The following ENPP2 variants were observed in gnomAD, a reference collection of about 807,000 sequenced individuals.
ENPP2 encodes the protein ectonucleotide pyrophosphatase/phosphodiesterase 2.
In ENPP2, 51 loss-of-function variants were observed where a neutral mutation model predicts 120.2. The observed-to-expected ratio is 0.42, with a 90% CI of 0.34 to 0.54. ENPP2 has a LOEUF of 0.54. Among genes scored for constraint, ENPP2 ranks in the 20% least tolerant of loss-of-function variants. ENPP2 has a pLI of 0.04. For missense variants in ENPP2, 920 were observed against 1,066.5 expected (o/e 0.86, Z 1.91); for synonymous variants, 365 against 366.4 (o/e 1.00, Z 0.04).
At chr8:119,657,514 C>T (rs1005663257) in intron 1 of ENPP2, among the ~76,000 whole-genome samples, 1 of 152,214 alleles carries the variant, frequency 6.6e-6, no homozygotes, top group African/African-American at 2.4e-5. Context: ...TCTGCCAATT[C>T]TAATTTCCAG....
chr8:119,574,103 A>T (rs1210840379), intron 19 of ENPP2, among the ~76,000 whole-genome samples: 1 of 152,134 alleles, frequency 6.6e-6, no homozygotes, highest in Non-Finnish European at 1.5e-5. Context: ...AGAAACACAG[A>T]TTTTAAGGTC....
At chr8:119,630,251 G>T (rs1272616037) in intron 2 of ENPP2, among the ~76,000 whole-genome samples, 1 of 151,970 alleles carries the variant, frequency 6.6e-6, no homozygotes, top group African/African-American at 2.4e-5. Context: ...TGGGATTAGA[G>T]GCACCCACCA....
intron 1 of ENPP2, among the ~76,000 whole-genome samples, chr8:119,652,489 T>C (rs114920478): frequency 2.1e-4 from 32 of 152,274 alleles, no homozygotes; most frequent in African/African-American, 7.7e-4. Context: ...AGAAACAGTT[T>C]ATAGACTCTG....
At chr8:119,568,756 A>G (rs1438413079) in intron 21 of ENPP2, among the ~76,000 whole-genome samples, 1 of 152,132 alleles carries the variant, frequency 6.6e-6, no homozygotes, top group Non-Finnish European at 1.5e-5. Context: ...GTGTGCCACC[A>G]GCTCAGCTAA....
rs567315894 is a variant in ENPP2 at position 119,570,375 on chromosome 8, A to T, written c.1917+330T>A. 1.9e-3 allele frequency among the ~76,000 whole-genome samples: 288 copies of T among 152,256 alleles called. 3 individuals are homozygous for T. The South Asian group carries it at 0.025, about 13-fold the overall frequency. Reference sequence around the variant, plus strand: ...ACTTTACACTCAATCTTGCTGAGAAATAAAATGTGCTCTTAAAATATAAAG... The same window carrying T: ...ACTTTACACTCAATCTTGCTGAGAATTAAAATGTGCTCTTAAAATATAAAG... On this transcript the variant is annotated intron_variant, in intron 20 of 24. Coordinates refer to ENST00000075322, the MANE Select transcript of ENPP2 (RefSeq NM_001040092.3).
chr8:119,594,414 A>C (rs1267434362), intron 11 of ENPP2, among the ~76,000 whole-genome samples: 1 of 152,250 alleles, frequency 6.6e-6, no homozygotes, highest in Non-Finnish European at 1.5e-5. Flanking sequence ...CTATTCTAAG[A>C]AACAAGTTAT....
chr8:119,591,774 A>T (rs1250562188), intron 12 of ENPP2, among the ~76,000 whole-genome samples: 1 of 152,228 alleles, frequency 6.6e-6, no homozygotes, highest in Non-Finnish European at 1.5e-5. Context: ...TAAGGATTAT[A>T]TATCTTGCAC....
intron 19 of ENPP2, among the ~76,000 whole-genome samples, chr8:119,575,758 T>C (rs917116779): frequency 6.6e-6 from 1 of 152,184 alleles, no homozygotes; most frequent in Non-Finnish European, 1.5e-5. Context: ...GTAACTGCAG[T>C]TGTAGCAGTT....
intron 11 of ENPP2, among the ~76,000 whole-genome samples, chr8:119,594,946 T>G (rs745972459): frequency 6.6e-6 from 1 of 152,238 alleles, no homozygotes; most frequent in African/African-American, 2.4e-5. Flanking sequence ...CTTTTGTTTT[T>G]TTCTTCATGA....
intron 18 of ENPP2, 143 bp downstream of exon 18, chr8:119,582,275 A>T: frequency 1.6e-6 from 1 of 619,190 alleles, no homozygotes; most frequent in Non-Finnish European, 2.8e-6. Context: ...TAAAAATTTG[A>T]GTTCCTCAGT....
At chr8:119,666,473 T>C (rs1818073013) in intron 1 of ENPP2, among the ~76,000 whole-genome samples, 1 of 152,020 alleles carries the variant, frequency 6.6e-6, no homozygotes, top group African/African-American at 2.4e-5. Flanking sequence ...TATCACATTA[T>C]AAAAAGACAA....
At chr8:119,651,952 T>A (rs1358320310) in intron 1 of ENPP2, among the ~76,000 whole-genome samples, 1 of 152,228 alleles carries the variant, frequency 6.6e-6, no homozygotes, top group East Asian at 1.9e-4. Context: ...CAAGTACCGC[T>A]TGATATCAAG....
At chr8:119,568,482 T>G (rs547018533) in intron 21 of ENPP2, among the ~76,000 whole-genome samples, 1 of 152,312 alleles carries the variant, frequency 6.6e-6, no homozygotes, top group South Asian at 2.1e-4. Context: ...TTACAATGTT[T>G]TTTTCTTACT....
intron 11 of ENPP2, among the ~76,000 whole-genome samples, chr8:119,599,744 G>A (rs971306738): frequency 1.6e-4 from 25 of 152,132 alleles, no homozygotes; most frequent in South Asian, 2.1e-4. Context: ...GGTGGCTCAC[G>A]CCTGCAATCC....
upstream of ENPP2, among the ~76,000 whole-genome samples, chr8:119,639,235 A>G (rs975926708): frequency 1.3e-5 from 2 of 152,226 alleles, no homozygotes; most frequent in African/African-American, 4.8e-5. Flanking sequence ...CAGTCATTCA[A>G]TGGCGTCAAC....
intron 1 of ENPP2, among the ~76,000 whole-genome samples, chr8:119,657,334 T>G (rs1041821234): frequency 6.6e-6 from 1 of 152,206 alleles, no homozygotes; most frequent in African/African-American, 2.4e-5. Flanking sequence ...TCTGCATCGT[T>G]CAAAGTCCAT....
intron 19 of ENPP2, among the ~76,000 whole-genome samples, chr8:119,574,280 G>A (rs1812181731): frequency 6.6e-6 from 1 of 151,826 alleles, no homozygotes. Flanking sequence ...AAATGTACTT[G>A]AATCTTGTTC....
chr8:119,668,982 T>C (rs547139369), intron 1 of ENPP2, among the ~76,000 whole-genome samples: 77 of 152,320 alleles, frequency 5.1e-4, no homozygotes, highest in African/African-American at 1.8e-3. Context: ...GCATAAGACT[T>C]TTTATATCCA....
chr8:119,654,051 TAG>T (rs1400805173), intron 1 of ENPP2, among the ~76,000 whole-genome samples: 12 of 145,516 alleles, frequency 8.2e-5, no homozygotes, highest in African/African-American at 3.0e-4. Flanking sequence ...TTATATTATC[TAG>T]AGAGACATAT....
Sources: gnomAD v4.1 joint callset for allele counts (sites outside exome capture counted in the v4.1 genomes callset) on GRCh38, gnomAD v4.1.1 for gene constraint, MANE v1.5 for transcripts, NCBI Gene and HGNC (gene_info 2026-07-23, HGNC 2026-07-21) for gene names.